The following ZNF407 variants were observed in gnomAD, a reference collection of about 807,000 sequenced individuals.
ZNF407 encodes zinc finger protein 407.
ZNF407 carries 17 observed loss-of-function variants against 131.2 expected under a neutral mutation model. The observed-to-expected ratio is 0.13, with a 90% confidence interval of 0.09 to 0.19. The LOEUF is 0.19. ZNF407 is among the 10% of genes least tolerant of loss of function. The pLI is 1.00. For synonymous variants in ZNF407, 1,156 were observed against 1,062.0 expected, an observed-to-expected ratio of 1.09 and a Z score of -1.72; for missense variants, 2,681 against 2,830.6, an observed-to-expected ratio of 0.95 and a Z score of 1.20.
At chr18:74,852,792 A>G (rs1215700669) in intron 4 of ZNF407, among the ~76,000 whole-genome samples, 1 of 152,208 alleles carries the variant, frequency 6.6e-6, no homozygotes, top group African/African-American at 2.4e-5. Flanking sequence ...GAGGCTTCAT[A>G]AAAAATCAAT....
intron 8 of ZNF407, chr18:75,062,324 C>T (rs762137898): frequency 1.3e-5 from 2 of 152,244 alleles, no homozygotes; most frequent in Non-Finnish European, 2.9e-5. Context: ...GTATCCAAGA[C>T]GTTCGGCAAA....
intron 7 of ZNF407, among the ~76,000 whole-genome samples, chr18:74,909,764 C>T (rs1015716783): frequency 6.6e-6 from 1 of 151,958 alleles, no homozygotes; most frequent in African/African-American, 2.4e-5. Context: ...ATTTTCTGTT[C>T]ATTTTTGTTG....
intron 8 of ZNF407, among the ~76,000 whole-genome samples, chr18:74,991,001 G>A (rs531602719): frequency 9.9e-5 from 15 of 152,222 alleles, no homozygotes; most frequent in African/African-American, 2.6e-4. Context: ...GGATGAAATC[G>A]GAGAAGTTCA....
chr18:74,864,015 T>TC (rs1425934633), intron 4 of ZNF407, among the ~76,000 whole-genome samples: 1 of 152,228 alleles, frequency 6.6e-6, no homozygotes, highest in Non-Finnish European at 1.5e-5. Flanking sequence ...CTCCTGCAAG[T>TC]CAGGTCTCTT....
chr18:74,741,257 C>T (rs1968541793), intron 3 of ZNF407, among the ~76,000 whole-genome samples: 1 of 152,076 alleles, frequency 6.6e-6, no homozygotes, highest in South Asian at 2.1e-4. Flanking sequence ...CACATACATA[C>T]ACACACTTAT....
Position 74,964,497 on chromosome 18 carries a change from A to C in ZNF407, c.5428+43805A>C, listed in dbSNP as rs567388924. Among the ~76,000 whole-genome samples, 5 of 151,794 alleles carry C rather than the reference A, an allele frequency of 3.3e-5. No individual in the cohort carries two copies. The South Asian group carries it at 1.0e-3, about 32-fold the overall frequency. On this transcript the variant is annotated intron_variant, in intron 8 of 8. Transcript: ENST00000299687. The stretch of plus-strand genomic sequence containing the variant: ...TTTCTTGTATGTATAATACAATCAA[A>C]ATTTATCCATCTTGCTTTGTCAAGT...
intron 4 of ZNF407, among the ~76,000 whole-genome samples, chr18:74,840,014 C>T (rs1203410708): frequency 1.3e-5 from 2 of 152,102 alleles, no homozygotes; most frequent in Non-Finnish European, 2.9e-5. Context: ...ATCATCAGCC[C>T]TGGCATATTA....
chr18:74,964,292 G>A (rs1972383397), intron 8 of ZNF407, among the ~76,000 whole-genome samples: 1 of 152,178 alleles, frequency 6.6e-6, no homozygotes, highest in Non-Finnish European at 1.5e-5. Context: ...AGGTAGCAAT[G>A]CACACTGTAC....
chr18:74,911,669 T>G (rs879875054), intron 7 of ZNF407, among the ~76,000 whole-genome samples: 14 of 152,214 alleles, frequency 9.2e-5, no homozygotes, highest in Non-Finnish European at 1.6e-4. Flanking sequence ...CCCCTTCAGC[T>G]AAACTACTAC....
In ZNF407 at chr18:75,063,561, C is replaced by T; in HGVS notation, c.5840C>T (p.Ser1947Phe). ...ACCCAGGTGGTCGTCGTGGGGGGCT[C>T]CATGGAAGGCCACGGCATGGATGAG... ...GATQVVVVGG[S>F]MEGHGMDESL... is the part of the protein sequence containing the mutation. The change falls in exon 9 of 9, where the codon TCC (serine) becomes TTC (phenylalanine). Residue 1947 changes from serine to phenylalanine, a missense_variant. By Grantham distance (155) the Ser-to-Phe change is radical. Around this residue, in one of 6 missense-constraint regions of ZNF407, gnomAD observed 620 missense variants for 583.1 expected, o/e 1.06. Transcript: ENST00000299687. The surrounding 1 kb of genome is among the most constrained non-coding windows in gnomAD (Gnocchi z 6.6). The T allele has an allele frequency of 6.4e-7, 1 of 1,566,668 alleles. No homozygotes were observed. Among genetic ancestry groups the T allele is most frequent in the Non-Finnish European group, 8.6e-7 (1 of 1,157,252 alleles).
At chr18:74,990,223 G>T (rs1972702890) in intron 8 of ZNF407, among the ~76,000 whole-genome samples, 1 of 152,204 alleles carries the variant, frequency 6.6e-6, no homozygotes, top group Admixed American at 6.5e-5. Context: ...GCTCTGTGCA[G>T]ATGTCAATTA....
chr18:75,054,157 G>A (rs899279743), intron 8 of ZNF407, among the ~76,000 whole-genome samples: 1 of 152,220 alleles, frequency 6.6e-6, no homozygotes, highest in Non-Finnish European at 1.5e-5. Flanking sequence ...GAAGAAATCC[G>A]CATTGTTTCA....
intron 4 of ZNF407, among the ~76,000 whole-genome samples, chr18:74,868,474 CAAAG>C (rs1971043314): frequency 6.6e-6 from 1 of 152,292 alleles, no homozygotes; most frequent in South Asian, 2.1e-4. Context: ...GAACGAAAAA[CAAAG>C]AAGAGATTGT....
intron 8 of ZNF407, among the ~76,000 whole-genome samples, chr18:74,952,514 A>G (rs541320946): frequency 4.6e-5 from 7 of 152,334 alleles, no homozygotes; most frequent in Admixed American, 2.6e-4. Flanking sequence ...AAGATAGATG[A>G]TAAGTAAATA....
At chr18:74,622,942 ATATC>A (rs1983595249) in intron 1 of ZNF407, among the ~76,000 whole-genome samples, 1 of 151,742 alleles carries the variant, frequency 6.6e-6, no homozygotes, top group Non-Finnish European at 1.5e-5. Flanking sequence ...GTGTGTGTAT[ATATC>A]TGTGTGTCAG....
intron 3 of ZNF407, among the ~76,000 whole-genome samples, chr18:74,709,255 A>G (rs1435360202): frequency 6.6e-6 from 1 of 152,214 alleles, no homozygotes; most frequent in Admixed American, 6.5e-5. Context: ...AAAACCACTC[A>G]TGCATATATC....
In ZNF407 at chr18:74,635,519, T is replaced by C. The variant is rs568691410; in HGVS notation, c.4500T>C (p.Asn1500=). Reference sequence around the variant, plus strand: ...CAGAGCCCTTTGATTCTGAACAGAATTTATTTTTACATATTAAAGGACAGC... The same window carrying C: ...CAGAGCCCTTTGATTCTGAACAGAACTTATTTTTACATATTAAAGGACAGC... ...KCTEPFDSEQ[N]LFLHIKGQHE... The change falls in exon 2 of 9, where the codon AAT becomes AAC. Residue 1500 remains asparagine (N), a synonymous_variant. Transcript: ENST00000299687. This position sits in a 1 kb window ranked among gnomAD's most constrained non-coding sequence, Gnocchi z 4.7. The C allele has an allele frequency of 6.2e-7, 1 of 1,612,804 alleles. No homozygotes were observed. Among genetic ancestry groups the C allele is most frequent in the East Asian group, 2.2e-5 (1 of 44,866 alleles).
chr18:74,645,394 G>C (rs888645892), intron 3 of ZNF407, among the ~76,000 whole-genome samples: 2 of 152,040 alleles, frequency 1.3e-5, no homozygotes, highest in Non-Finnish European at 2.9e-5. Flanking sequence ...CATGATTTAG[G>C]AGTTGCATTG....
chr18:74,900,690 A>G (rs1186222142), intron 7 of ZNF407, among the ~76,000 whole-genome samples: 1 of 152,178 alleles, frequency 6.6e-6, no homozygotes, highest in Middle Eastern at 3.2e-3. Flanking sequence ...TAATGACATC[A>G]TAAGCCAGTT....
Sources: gnomAD v4.1 joint callset for allele counts (sites outside exome capture counted in the v4.1 genomes callset) on GRCh38, gnomAD v4.1.1 for gene constraint, gnomAD v4.1.1 regional missense constraint, Gnocchi (gnomAD v3.1) non-coding constraint, MANE v1.5 for transcripts, NCBI Gene and HGNC (gene_info 2026-07-23, HGNC 2026-07-21) for gene names.